The following ADAMTSL1 variants were observed in gnomAD, a reference collection of about 807,000 sequenced individuals.
ADAMTSL1 encodes ADAMTS like 1.
In ADAMTSL1, 126 loss-of-function variants were observed where a neutral mutation model predicts 201.8. That is an observed-to-expected ratio of 0.62 (90% confidence interval 0.54 to 0.72). The LOEUF (loss-of-function observed/expected upper bound fraction) is 0.72, where lower values mean the gene tolerates loss of function less well. ADAMTSL1 is among the 30% of genes least tolerant of loss of function. The pLI, the probability that ADAMTSL1 is intolerant of heterozygous loss-of-function variation, is 0.00. For missense variants in ADAMTSL1, 2,679 were observed against 2,277.8 expected, an observed-to-expected ratio of 1.18 and a Z score of -3.59; for synonymous variants, 1,121 against 903.4, an observed-to-expected ratio of 1.24 and a Z score of -4.32.
intron 19 of ADAMTSL1, among the ~76,000 whole-genome samples, chr9:18,788,007 T>C (rs543434326): frequency 1.3e-5 from 2 of 152,326 alleles, no homozygotes; most frequent in African/African-American, 4.8e-5. Flanking sequence ...TGTGGTCAGG[T>C]GGCCTTTCCC....
chr9:18,314,130 G>A lies in ADAMTSL1; in HGVS notation c.207+150149G>A, dbSNP rs138964585. Among the ~76,000 whole-genome samples, 33 of 152,244 alleles carry A rather than the reference G, an allele frequency of 2.2e-4. No homozygotes were observed. The Middle Eastern group carries it at 0.01, about 47-fold the overall frequency. ...GAAGTGCAAATCAAAACCACAGTGA[G>A]ATATCATCTCACATCTGTTAAGATA... On this transcript the variant is annotated intron_variant, in intron 2 of 29. Transcript: ENST00000680146.
At chr9:18,114,957 G>A (rs1825188540) in intron 1 of ADAMTSL1, among the ~76,000 whole-genome samples, 2 of 152,168 alleles carry the variant, frequency 1.3e-5, no homozygotes, top group African/African-American at 4.8e-5. Flanking sequence ...TTCTCCGTAA[G>A]GGACTTTTGC....
intron 10 of ADAMTSL1, among the ~76,000 whole-genome samples, chr9:18,677,883 C>G (rs1209381504): frequency 4.6e-5 from 7 of 151,850 alleles, no homozygotes; most frequent in South Asian, 2.1e-4. Context: ...TTGGCAAAGT[C>G]TTAGTAAATG....
intron 1 of ADAMTSL1, among the ~76,000 whole-genome samples, chr9:18,029,992 T>G (rs1446304924): frequency 6.6e-6 from 1 of 152,022 alleles, no homozygotes; most frequent in Admixed American, 6.5e-5. Context: ...AGTGTGGCGA[T>G]TCCTCAGGGA....
At chr9:18,465,606 C>T (rs1229177832) in intron 2 of ADAMTSL1, among the ~76,000 whole-genome samples, 1 of 152,178 alleles carries the variant, frequency 6.6e-6, no homozygotes, top group Non-Finnish European at 1.5e-5. Flanking sequence ...TTAGTGAGAA[C>T]TGTGTCACAT....
In ADAMTSL1 at chr9:18,692,969, C is replaced by T. The variant is rs896264211; in HGVS notation, c.1574+8169C>T. Among the ~76,000 whole-genome samples the T allele has an allele frequency of 1.3e-4, 19 of 151,762 alleles. 1 individual carries two copies. The highest frequency in any genetic ancestry group is 4.6e-4 in the African/African-American group (19 of 41,532). On this transcript the variant is annotated intron_variant, in intron 13 of 28. Transcript: ENST00000380548. ...GTCTGAAACAAGTGTCATATCCTCA[C>T]TTTTCATTTCTGAAAGGAATAATTT...
rs185282847 is a variant in ADAMTSL1 at position 18,199,734 on chromosome 9, G to A, written c.207+35753G>A. 1.5e-3 allele frequency among the ~76,000 whole-genome samples: 225 copies of A among 152,178 alleles called. 1 individual carries two copies. Among genetic ancestry groups the A allele is most frequent in the African/African-American group, 4.6e-3 (192 of 41,550 alleles). ...ATTTAATTGAGTTTTAGCACATAGA[G>A]ATATATGCTGATCCTCCAAGGTAGT... On this transcript the variant is annotated intron_variant, in intron 2 of 29. Coordinates refer to the ADAMTSL1 transcript ENST00000680146.
intron 2 of ADAMTSL1, among the ~76,000 whole-genome samples, chr9:18,336,126 T>C (rs1418866917): frequency 6.6e-6 from 1 of 152,158 alleles, no homozygotes; most frequent in Admixed American, 6.6e-5. Flanking sequence ...ACTTATGCCA[T>C]TGAGTTTACA....
At chr9:17,977,428 CT>C (rs1389356681) in intron 1 of ADAMTSL1, among the ~76,000 whole-genome samples, 2 of 152,084 alleles carry the variant, frequency 1.3e-5, no homozygotes, top group African/African-American at 2.4e-5. Context: ...AATTCCTGGA[CT>C]TTTTTCTTTG....
chr9:18,521,032 G>C (rs1343291543), intron 2 of ADAMTSL1, among the ~76,000 whole-genome samples: 1 of 152,028 alleles, frequency 6.6e-6, no homozygotes, highest in Non-Finnish European at 1.5e-5. Flanking sequence ...TATGTACAGG[G>C]GATGCATTTA....
intron 4 of ADAMTSL1, among the ~76,000 whole-genome samples, chr9:18,597,985 G>T (rs1003598653): frequency 2.6e-5 from 4 of 152,120 alleles, no homozygotes; most frequent in African/African-American, 9.7e-5. Context: ...CTGCCCTGAG[G>T]AGCCCAAATC....
intron 2 of ADAMTSL1, among the ~76,000 whole-genome samples, chr9:18,243,587 A>C (rs964414311): frequency 4.6e-5 from 7 of 151,938 alleles, no homozygotes; most frequent in African/African-American, 1.5e-4. Flanking sequence ...TCATATGTTC[A>C]TCCTGCCTTT....
intron 1 of ADAMTSL1, among the ~76,000 whole-genome samples, chr9:18,031,996 C>T (rs1427672321): frequency 6.6e-6 from 1 of 152,182 alleles, no homozygotes; most frequent in Non-Finnish European, 1.5e-5. Context: ...TGGGGTCCAC[C>T]TAGTTCATGC....
chr9:17,939,612 T>C (rs1428216403), intron 1 of ADAMTSL1, among the ~76,000 whole-genome samples: 1 of 152,144 alleles, frequency 6.6e-6, no homozygotes, highest in African/African-American at 2.4e-5. Flanking sequence ...ATTATTATAA[T>C]GACTATATGA....
Position 18,169,691 on chromosome 9 carries a change from A to G in ADAMTSL1, c.207+5710A>G, listed in dbSNP as rs532833926. ...TCATTGGTAGCTTGATGGAGATGGC[A>G]TTGAATCTATAAATTACCTTGGGCA... On this transcript the variant is annotated intron_variant, in intron 2 of 29. Transcript: ENST00000680146. 3.9e-5 allele frequency among the ~76,000 whole-genome samples: 6 copies of G among 152,256 alleles called. No homozygotes were observed. In the South Asian group the frequency reaches 1.0e-3, roughly 26 times the overall value.
intron 23 of ADAMTSL1, among the ~76,000 whole-genome samples, chr9:18,841,250 T>A (rs1187580738): frequency 6.6e-6 from 1 of 151,926 alleles, no homozygotes; most frequent in African/African-American, 2.4e-5. Flanking sequence ...GCATGAAGGG[T>A]TGTTGAATTT....
At chr9:18,035,494 G>A (rs1327897021) in intron 1 of ADAMTSL1, among the ~76,000 whole-genome samples, 1 of 152,092 alleles carries the variant, frequency 6.6e-6, no homozygotes, top group Non-Finnish European at 1.5e-5. Context: ...TACTTGGGCT[G>A]GCATGTTTTC....
intron 1 of ADAMTSL1, among the ~76,000 whole-genome samples, chr9:18,162,840 C>T (rs1292795164): frequency 6.6e-6 from 1 of 151,910 alleles, no homozygotes; most frequent in Non-Finnish European, 1.5e-5. Flanking sequence ...ATTTCATGTG[C>T]TAGAACCTTA....
At chr9:18,588,383 G>A (rs1823659560) in intron 4 of ADAMTSL1, among the ~76,000 whole-genome samples, 1 of 152,054 alleles carries the variant, frequency 6.6e-6, no homozygotes, top group Non-Finnish European at 1.5e-5. Context: ...CAGATGGATA[G>A]TTTGCAAATC....
Sources: gnomAD v4.1 joint callset for allele counts (sites outside exome capture counted in the v4.1 genomes callset) on GRCh38, gnomAD v4.1.1 for gene constraint, MANE v1.5 for transcripts, NCBI Gene and HGNC (gene_info 2026-07-23, HGNC 2026-07-21) for gene names.